HTN3: variants seen among roughly 807,000 people sequenced by gnomAD.
HTN3 encodes the protein histatin 3.
A neutral mutation model predicts 10.6 loss-of-function variants in HTN3; 15 were observed. That is an observed-to-expected ratio of 1.42 (90% CI 0.95 to 2.18). The LOEUF (loss-of-function observed/expected upper bound fraction) is 2.18. Ranked by LOEUF, HTN3 falls within the 30% of genes most tolerant of loss-of-function variation. The pLI, the probability that HTN3 is intolerant of heterozygous loss-of-function variation, is 0.00. For missense variants in HTN3, 68 were observed against 58.0 expected, an observed-to-expected ratio of 1.17 and a Z score of -0.56; for synonymous variants, 15 against 16.9, an observed-to-expected ratio of 0.89 and a Z score of 0.27.
chr4:70,035,654 A>T (rs1725498593), intron 5 of HTN3, among the ~76,000 whole-genome samples: 1 of 152,226 alleles, frequency 6.6e-6, no homozygotes, highest in Non-Finnish European at 1.5e-5. Flanking sequence ...TATGGTAACA[A>T]TGTCCTTTTT....
At chr4:70,032,057 T>A (rs1725393935) in intron 3 of HTN3, 21 bp from the exon 4 acceptor site, 1 of 1,535,672 alleles carries the variant, frequency 6.5e-7, no homozygotes, top group Non-Finnish European at 9.0e-7. Context: ...GAATTTTTAA[T>A]CTTTTCTTTT....
intron 4 of HTN3, among the ~76,000 whole-genome samples, chr4:70,032,955 C>T (rs1340150811): frequency 2.0e-5 from 3 of 152,066 alleles, no homozygotes; most frequent in Non-Finnish European, 4.4e-5. Flanking sequence ...AATATCAACA[C>T]ACAGTAAATA....
chr4:70,033,521 G>A (rs1162529881), intron 5 of HTN3: 1 of 225,440 alleles, frequency 4.4e-6, no homozygotes, highest in Non-Finnish European at 8.6e-6. Context: ...TAGCCTTGTA[G>A]GGTAGTTTGA....
rs17147990 is a variant in HTN3, at chr4:70,033,205, T to A, written c.141T>A (p.Tyr47Ter). The change falls in exon 5 of 6, where the codon TAT becomes TAA. Residue 47 changes from tyrosine to a stop codon, truncating the protein, a stop_gained. Coordinates refer to ENST00000673563, the MANE Select transcript of HTN3 (RefSeq NM_000200.3). LOFTEE classifies it high-confidence loss of function. ...HHSHRGYRSN[Y>*]LYDN ...CACATCGAGGCTATAGATCAAATTA[T>A]CTGTATGACAATTGATATCTTCAGT... 12,494 of 1,599,504 alleles carry A rather than the reference T, an allele frequency of 7.8e-3. 901 individuals carry two copies. In the African/African-American group the frequency reaches 0.15, roughly 19 times the overall value.
intron 1 of HTN3, among the ~76,000 whole-genome samples, chr4:70,029,129 T>C (rs532557682): frequency 6.6e-6 from 1 of 152,018 alleles, no homozygotes. Flanking sequence ...GGGAAATATG[T>C]TTTTCAAAAC....
chr4:70,035,842 T>G (rs1307441318), intron 5 of HTN3, among the ~76,000 whole-genome samples: 1 of 152,208 alleles, frequency 6.6e-6, no homozygotes, highest in Non-Finnish European at 1.5e-5. Flanking sequence ...TGGGACATTT[T>G]ATTCATATTG....
At chr4:70,031,164 C>G (rs145144228) in intron 2 of HTN3, 1 of 163,084 alleles carries the variant, frequency 6.1e-6, no homozygotes, top group East Asian at 1.8e-4. Context: ...TAGAGGGTGT[C>G]AAAATATGAA....
chr4:70,033,411 C>G, intron 5 of HTN3, 158 bp downstream of exon 5: 1 of 503,170 alleles, frequency 2.0e-6, no homozygotes, highest in South Asian at 2.6e-5. Flanking sequence ...ATAGATGCTT[C>G]TGACTTTGTA....
At chr4:70,031,016 T>TA (rs1725371921) in intron 2 of HTN3, 1 of 379,724 alleles carries the variant, frequency 2.6e-6, no homozygotes, top group Admixed American at 4.5e-5. Context: ...AATATAAAAA[T>TA]AAAAGAAAAT....
At chr4:70,028,677 A>T (rs1324175890) in intron 1 of HTN3, among the ~76,000 whole-genome samples, 161 bp downstream of exon 1, 2 of 152,268 alleles carry the variant, frequency 1.3e-5, no homozygotes, top group East Asian at 3.9e-4. Flanking sequence ...CTAGATCTCA[A>T]TTCCTATGAA....
At position 70,033,196 on chromosome 4, in the gene HTN3, A is replaced by T. The variant is rs1166683233; in HGVS notation, c.132A>T (p.Arg44Ser). Residue 44 changes from arginine to serine, a missense_variant, in exon 5 of 6, where the codon AGA becomes AGT. Arg to Ser is a moderately radical substitution (Grantham distance 110). Transcript: ENST00000673563. ...AGCATCATTCACATCGAGGCTATAG[A>T]TCAAATTATCTGTATGACAATTGAT... ...HEKHHSHRGYRSNYLYDN is the reference protein window; with the variant it reads ...HEKHHSHRGYSSNYLYDN The T allele has an allele frequency of 2.5e-6, 4 of 1,603,738 alleles. No homozygotes were observed. In the African/African-American group the frequency reaches 5.4e-5, roughly 22 times the overall value.
chr4:70,031,815 A>G (rs181262978), intron 2 of HTN3, among the ~76,000 whole-genome samples, 164 bp from the exon 3 acceptor site: 1 of 152,194 alleles, frequency 6.6e-6, no homozygotes, highest in Admixed American at 6.5e-5. Context: ...CCCTTCACTC[A>G]TTTTAAAGAT....
chr4:70,030,658 A>G (rs1298755153), intron 1 of HTN3, 70 bp from the exon 2 acceptor site: 2 of 1,022,390 alleles, frequency 2.0e-6, no homozygotes, highest in Non-Finnish European at 3.1e-6. Flanking sequence ...GCATAGTGTC[A>G]TCAGTAGAAG....
chr4:70,031,810 C>T (rs985988214), intron 2 of HTN3, among the ~76,000 whole-genome samples, 169 bp from the exon 3 acceptor site: 2 of 151,966 alleles, frequency 1.3e-5, no homozygotes, highest in African/African-American at 4.8e-5. Context: ...GTTTACCCTT[C>T]ACTCATTTTA....
rs1310609670 is a variant in HTN3, at chr4:70,036,423, T to C, written c.*190T>C. The C allele has an allele frequency of 6.6e-6, 1 of 152,218 alleles. No homozygotes were observed. Among genetic ancestry groups the C allele is most frequent in the Non-Finnish European group, 1.5e-5 (1 of 68,018 alleles). The allele number at this position is 152,218 out of a possible 1,614,324, so 9.4% of individuals were successfully genotyped here. On this transcript the variant is annotated 3_prime_UTR_variant, in exon 6 of 6. Transcript: ENST00000673563. ...TGTTTCAGGATACTTCCCTTCCTAATTATCATTTGATTAGATACTTGCAAT... is the reference window on the plus strand; with the variant it reads ...TGTTTCAGGATACTTCCCTTCCTAACTATCATTTGATTAGATACTTGCAAT...
intron 5 of HTN3, chr4:70,034,446 A>G (rs1725460877): frequency 1.3e-5 from 2 of 152,220 alleles, no homozygotes; most frequent in African/African-American, 4.8e-5. Flanking sequence ...GCCAACAAAC[A>G]TGAAAATAGC....
At chr4:70,031,371 CCTT>C (rs10550432) in intron 2 of HTN3, 5,152 of 153,666 alleles carry the variant, frequency 0.034, 271 homozygotes, top group African/African-American at 0.11. Flanking sequence ...AGCTCTTTCT[CCTT>C]CTCTACTTTC....
At chr4:70,031,314 G>C (rs1224446335) in intron 2 of HTN3, 1 of 154,212 alleles carries the variant, frequency 6.5e-6, no homozygotes, top group Non-Finnish European at 1.4e-5. Flanking sequence ...AGCTTGTATC[G>C]TCATTTACTA....
At chr4:70,030,312 T>A (rs373004520) in intron 1 of HTN3, among the ~76,000 whole-genome samples, 1 of 152,158 alleles carries the variant, frequency 6.6e-6, no homozygotes, top group East Asian at 1.9e-4. Context: ...TAATTCCAAA[T>A]TAGAGCACTC....
Sources: allele counts gnomAD v4.1 joint callset (sites outside exome capture counted in the v4.1 genomes callset), GRCh38; gene constraint gnomAD v4.1.1; transcripts MANE v1.5; gene names NCBI Gene and HGNC (gene_info 2026-07-23, HGNC 2026-07-21).